ERBB4: variants seen among roughly 807,000 people sequenced by gnomAD.
ERBB4 encodes receptor tyrosine-protein kinase erbB-4.
In ERBB4, 42 loss-of-function variants were observed where a neutral mutation model predicts 158.0. The ratio of observed to expected loss-of-function variants is 0.27; its 90% CI spans 0.21 to 0.34. The LOEUF is 0.34. Ranked by LOEUF, ERBB4 falls within the 10% of genes least tolerant of loss-of-function variation. ERBB4 has a pLI of 1.00. For missense variants in ERBB4, 1,333 were observed against 1,624.1 expected, an observed-to-expected ratio of 0.82 and a Z score of 3.08; for synonymous variants, 583 against 558.7, an observed-to-expected ratio of 1.04 and a Z score of -0.61.
At chr2:211,645,211 T>G (rs981134683) in intron 16 of ERBB4, among the ~76,000 whole-genome samples, 10 of 151,814 alleles carry the variant, frequency 6.6e-5, no homozygotes, top group African/African-American at 2.4e-4. Flanking sequence ...ATGCCAGTTA[T>G]CCTTTATTAT....
chr2:211,815,866 C>T lies in ERBB4; in HGVS notation c.422-27707G>A, dbSNP rs1393963619. Among the ~76,000 whole-genome samples the T allele has an allele frequency of 3.3e-5, 5 of 152,270 alleles. No individual in the cohort carries two copies. The East Asian group carries it at 7.8e-4, about 24-fold the overall frequency. The stretch of plus-strand genomic sequence containing the variant: ...GCAGCTTTCAGAATCCTCTCACTCT[C>T]CCTTTGCTGGATGCTTCCTTCCTCT... On this transcript the variant is annotated intron_variant, in intron 3 of 27. Coordinates refer to ENST00000342788, the MANE Select transcript of ERBB4 (RefSeq NM_005235.3).
At chr2:212,459,891 A>G (rs1428784189) in intron 1 of ERBB4, among the ~76,000 whole-genome samples, 3 of 152,280 alleles carry the variant, frequency 2.0e-5, no homozygotes, top group Non-Finnish European at 4.4e-5. Flanking sequence ...CCCATATGGA[A>G]AATAATAAAA....
chr2:212,351,907 A>T (rs1453552501), intron 1 of ERBB4, among the ~76,000 whole-genome samples: 1 of 152,140 alleles, frequency 6.6e-6, no homozygotes, highest in Non-Finnish European at 1.5e-5. Flanking sequence ...CAATGGTAAT[A>T]AATCAACCTA....
At chr2:212,222,899 T>C (rs549845296) in intron 1 of ERBB4, among the ~76,000 whole-genome samples, 1 of 151,660 alleles carries the variant, frequency 6.6e-6, no homozygotes, top group South Asian at 2.1e-4. Context: ...CAAGAATATT[T>C]GTTCAATGAT....
intron 3 of ERBB4, among the ~76,000 whole-genome samples, chr2:211,871,131 C>A (rs903140178): frequency 9.2e-5 from 14 of 152,010 alleles, no homozygotes; most frequent in Admixed American, 3.9e-4. Flanking sequence ...TGTGGAAAGG[C>A]AGATTATCAG....
intron 17 of ERBB4, among the ~76,000 whole-genome samples, chr2:211,626,677 C>G (rs1287980929): frequency 6.6e-6 from 1 of 152,096 alleles, no homozygotes; most frequent in Non-Finnish European, 1.5e-5. Context: ...GTAATTCCAG[C>G]ACTTTGGGAG....
intron 21 of ERBB4, among the ~76,000 whole-genome samples, chr2:211,428,854 C>T (rs2063690978): frequency 6.6e-6 from 1 of 151,910 alleles, no homozygotes; most frequent in African/African-American, 2.4e-5. Context: ...GTAGCCGGGA[C>T]CACAGGGGTG....
intron 19 of ERBB4, among the ~76,000 whole-genome samples, chr2:211,565,495 G>A (rs2125730896): frequency 6.6e-6 from 1 of 152,294 alleles, no homozygotes; most frequent in East Asian, 1.9e-4. Flanking sequence ...ATTGATTTGG[G>A]CAGTGGAAAA....
intron 1 of ERBB4, among the ~76,000 whole-genome samples, chr2:212,491,612 G>C (rs928890888): frequency 1.3e-5 from 2 of 151,432 alleles, no homozygotes; most frequent in Non-Finnish European, 3.0e-5. Flanking sequence ...CAGAGTATAC[G>C]GAGAAATAGA....
rs1456566633 is a variant in ERBB4, at chr2:211,380,838, G to A, written c.*2777C>T. Reference sequence around the variant, plus strand: ...AGAGACATTCACTAAATACATTTCTGTTACCTTAACAGTTAAAAGTTTGTT... The same window carrying A: ...AGAGACATTCACTAAATACATTTCTATTACCTTAACAGTTAAAAGTTTGTT... On this transcript the variant is annotated 3_prime_UTR_variant, in exon 28 of 28. Coordinates refer to ENST00000342788, the MANE Select transcript of ERBB4 (RefSeq NM_005235.3). The A allele has an allele frequency of 2.2e-5, 5 of 231,486 alleles. No individual in the cohort carries two copies. The highest frequency in any genetic ancestry group is 4.3e-5 in the Non-Finnish European group (5 of 117,146). The allele number at this position is 231,486 out of a possible 1,614,324, so 14.3% of individuals were successfully genotyped here. A position where few individuals can be genotyped will look rare whatever the true frequency, so the allele number is the denominator to read the frequency against.
chr2:211,482,853 C>T (rs905440650), intron 20 of ERBB4, among the ~76,000 whole-genome samples: 1 of 151,980 alleles, frequency 6.6e-6, no homozygotes, highest in Non-Finnish European at 1.5e-5. Flanking sequence ...TGCGGTGAGC[C>T]AAGATCGCAC....
At chr2:212,005,128 CAT>C (rs1244412757) in intron 2 of ERBB4, among the ~76,000 whole-genome samples, 1 of 152,006 alleles carries the variant, frequency 6.6e-6, no homozygotes, top group African/African-American at 2.4e-5. Context: ...TATACATCAA[CAT>C]ATATAGGTGT....
chr2:211,384,462 T>C (rs1408582145), intron 27 of ERBB4, among the ~76,000 whole-genome samples: 1 of 152,154 alleles, frequency 6.6e-6, no homozygotes, highest in Non-Finnish European at 1.5e-5. Flanking sequence ...CTATAAAGGA[T>C]ATTGAAAAAA....
At chr2:211,713,865 A>T (rs1300782086) in intron 7 of ERBB4, among the ~76,000 whole-genome samples, 5 of 152,178 alleles carry the variant, frequency 3.3e-5, no homozygotes, top group Admixed American at 3.3e-4. Context: ...TTGCTTGGTT[A>T]CTGCTCCACA....
At chr2:211,396,241 A>G (rs978393536) in intron 25 of ERBB4, among the ~76,000 whole-genome samples, 5 of 152,242 alleles carry the variant, frequency 3.3e-5, no homozygotes, top group South Asian at 4.1e-4. Context: ...TTAAAACAAG[A>G]TAACAAAGGT....
chr2:211,702,225 C>T (rs2106037971), intron 11 of ERBB4, 59 bp from the exon 12 acceptor site: 3 of 1,232,612 alleles, frequency 2.4e-6, no homozygotes, highest in Admixed American at 3.4e-5. Flanking sequence ...TAAAATAAGG[C>T]TGTCACATTT....
Position 211,769,475 on chromosome 2 carries a change from A to G in ERBB4, c.556+18550T>C, listed in dbSNP as rs13395386. ...AATCTGTTATTAGTCAGCGTTCTCTAGAGGAACAGAACTAAAAGGATATAT... is the reference window on the plus strand; with the variant it reads ...AATCTGTTATTAGTCAGCGTTCTCTGGAGGAACAGAACTAAAAGGATATAT... On this transcript the variant is annotated intron_variant, in intron 4 of 27. Transcript: ENST00000342788. 2.6e-3 allele frequency among the ~76,000 whole-genome samples: 393 copies of G among 152,308 alleles called. 2 individuals are homozygous for G. The highest frequency in any genetic ancestry group is 9.3e-3 in the African/African-American group (385 of 41,566).
rs1215751170 is a variant in ERBB4 at position 211,487,829 on chromosome 2, C to G, written c.2488-56729G>C. Among the ~76,000 whole-genome samples, 3 of 152,114 alleles carry G rather than the reference C, an allele frequency of 2.0e-5. No individual in the cohort carries two copies. The East Asian group carries it at 5.8e-4, about 29-fold the overall frequency. ...GAAAAGGAGAGGAGCTACACAATAA[C>G]CACTGGCCAGAGTAATTAGCTGGTG... On this transcript the variant is annotated intron_variant, in intron 20 of 27. Transcript: ENST00000342788.
At chr2:211,954,870 AG>A (rs1210025910) in intron 2 of ERBB4, among the ~76,000 whole-genome samples, 1 of 152,110 alleles carries the variant, frequency 6.6e-6, no homozygotes, top group African/African-American at 2.4e-5. Context: ...AGCATGAAAA[AG>A]TTTACCAGAA....
Sources: gnomAD v4.1 joint callset for allele counts (sites outside exome capture counted in the v4.1 genomes callset) on GRCh38, gnomAD v4.1.1 for gene constraint, MANE v1.5 for transcripts, NCBI Gene and HGNC (gene_info 2026-07-23, HGNC 2026-07-21) for gene names.